The following MTX2 variants were observed in gnomAD, a reference collection of about 807,000 sequenced individuals.
The protein encoded by MTX2 is metaxin-2.
A neutral mutation model predicts 42.3 loss-of-function variants in MTX2; 35 were observed. The observed-to-expected ratio is 0.83, with a 90% CI of 0.63 to 1.10. The LOEUF is 1.10. MTX2 is among the 50% of genes least tolerant of loss of function. MTX2 has a pLI of 0.00. For synonymous variants in MTX2, 119 were observed against 100.9 expected, an observed-to-expected ratio of 1.18 and a Z score of -1.08; for missense variants, 307 against 304.1, an observed-to-expected ratio of 1.01 and a Z score of -0.07.
intron 4 of MTX2, among the ~76,000 whole-genome samples, chr2:176,324,654 G>A (rs1278865751): frequency 2.0e-5 from 3 of 151,570 alleles, no homozygotes; most frequent in African/African-American, 7.3e-5. Context: ...CAGATCTTTG[G>A]CAAGTGAGAT....
intron 4 of MTX2, among the ~76,000 whole-genome samples, chr2:176,325,462 TACTC>T (rs1684686269): frequency 6.6e-6 from 1 of 151,712 alleles, no homozygotes; most frequent in Non-Finnish European, 1.5e-5. Flanking sequence ...ATAAGATTAA[TACTC>T]AGTTGACTAT....
At chr2:176,287,780 T>A (rs1194049559) in intron 1 of MTX2, among the ~76,000 whole-genome samples, 2 of 152,184 alleles carry the variant, frequency 1.3e-5, no homozygotes, top group African/African-American at 4.8e-5. Flanking sequence ...CTAGAATGTT[T>A]GCTTTCTGCT....
At position 176,330,680 on chromosome 2, in the gene MTX2, T is replaced by A; in HGVS notation, c.620+20T>A. 4 of 1,560,796 alleles carry A rather than the reference T, an allele frequency of 2.6e-6. No individual in the cohort carries two copies. The highest frequency in any genetic ancestry group is 3.5e-6 in the Non-Finnish European group (4 of 1,140,782). On this transcript the variant is annotated intron_variant, in intron 9 of 9. Coordinates refer to ENST00000249442, the MANE Select transcript of MTX2 (RefSeq NM_006554.5). Reference sequence around the variant, plus strand: ...TAAGCAGTAAGAAATTTTACTTTTTTAAAGTTAATTTTCTGTACTGTTAGG... The same window carrying A: ...TAAGCAGTAAGAAATTTTACTTTTTAAAAGTTAATTTTCTGTACTGTTAGG...
chr2:176,327,353 C>T (rs547756711), intron 5 of MTX2, among the ~76,000 whole-genome samples: 1 of 151,082 alleles, frequency 6.6e-6, no homozygotes, highest in Admixed American at 6.6e-5. Flanking sequence ...TATTAAGGAA[C>T]AACTCCCATT....
At position 176,328,331 on chromosome 2, in the gene MTX2, A is replaced by G; in HGVS notation, c.324A>G (p.Lys108=). The G allele has an allele frequency of 6.3e-7, 1 of 1,593,142 alleles. No individual in the cohort carries two copies. The highest frequency in any genetic ancestry group is 8.5e-7 in the Non-Finnish European group (1 of 1,169,918). Residue 108 remains lysine, a synonymous_variant, in exon 6 of 10, where the codon AAA becomes AAG. Transcript: ENST00000249442. ...GTGATGGGCTGGAGGAAGTCCAAAA[A>G]GCAGAAATGAAAGCTTACATGGAAT... ...SLSDGLEEVQ[K]AEMKAYMELV...
chr2:176,301,991 C>T (rs1171806530), intron 3 of MTX2, among the ~76,000 whole-genome samples: 1 of 152,056 alleles, frequency 6.6e-6, no homozygotes, highest in African/African-American at 2.4e-5. Flanking sequence ...TTGTGAGTGT[C>T]TTTATATAAT....
At chr2:176,329,899 ATCTG>A (rs984230274) in intron 8 of MTX2, among the ~76,000 whole-genome samples, 47 of 150,250 alleles carry the variant, frequency 3.1e-4, no homozygotes, top group Non-Finnish European at 4.9e-4. Flanking sequence ...CTGTCTATCT[ATCTG>A]TCTATCTGTC....
At chr2:176,324,757 GACAA>G (rs1199435960) in intron 4 of MTX2, among the ~76,000 whole-genome samples, 1 of 151,594 alleles carries the variant, frequency 6.6e-6, no homozygotes, top group Non-Finnish European at 1.5e-5. Context: ...TTGCGCGAAA[GACAA>G]ACATAAATAT....
At chr2:176,275,445 G>C (rs972853558) in intron 1 of MTX2, among the ~76,000 whole-genome samples, 1 of 151,950 alleles carries the variant, frequency 6.6e-6, no homozygotes, top group African/African-American at 2.4e-5. Flanking sequence ...CACCATGTTG[G>C]CCAGGCTTGT....
intron 1 of MTX2, among the ~76,000 whole-genome samples, chr2:176,275,852 G>A (rs1263085436): frequency 6.6e-6 from 1 of 152,178 alleles, no homozygotes; most frequent in East Asian, 1.9e-4. Flanking sequence ...GCTCCACAGT[G>A]CCACCAGATA....
At chr2:176,314,875 G>A (rs1411369681) in intron 3 of MTX2, among the ~76,000 whole-genome samples, 1 of 152,148 alleles carries the variant, frequency 6.6e-6, no homozygotes, top group African/African-American at 2.4e-5. Context: ...TATAGGTGCA[G>A]GAAGCAGAAA....
chr2:176,290,300 TCTC>T (rs1188521867), intron 1 of MTX2, among the ~76,000 whole-genome samples: 7 of 152,070 alleles, frequency 4.6e-5, no homozygotes, highest in African/African-American at 1.7e-4. Flanking sequence ...GGATCCCCAT[TCTC>T]CTCACTAATT....
chr2:176,337,245 T>C (rs1685012872), intron 9 of MTX2, among the ~76,000 whole-genome samples: 1 of 152,128 alleles, frequency 6.6e-6, no homozygotes, highest in African/African-American at 2.4e-5. Flanking sequence ...TTTTGCCACA[T>C]TGTTCAGGCT....
At chr2:176,284,272 A>T (rs1693144878) in intron 1 of MTX2, among the ~76,000 whole-genome samples, 1 of 152,110 alleles carries the variant, frequency 6.6e-6, no homozygotes, top group Non-Finnish European at 1.5e-5. Flanking sequence ...TAATGGATCA[A>T]AGTCTAAACA....
chr2:176,283,089 C>T (rs1693119514), intron 1 of MTX2, among the ~76,000 whole-genome samples: 1 of 152,100 alleles, frequency 6.6e-6, no homozygotes, highest in South Asian at 2.1e-4. Flanking sequence ...AATAGGTTAA[C>T]CAGTTTGGCC....
At chr2:176,297,801 T>A (rs1374393691) in intron 2 of MTX2, 48 bp from the exon 3 acceptor site, 1 of 1,293,102 alleles carries the variant, frequency 7.7e-7, no homozygotes, top group Admixed American at 2.2e-5. Flanking sequence ...AAAATAAAAA[T>A]ACTATATTCT....
chr2:176,285,418 CTTT>C (rs61139522), intron 1 of MTX2, among the ~76,000 whole-genome samples: 6 of 130,776 alleles, frequency 4.6e-5, no homozygotes, highest in Admixed American at 7.8e-5. Context: ...TTGCCACAAT[CTTT>C]TTTTTTTTTT....
chr2:176,302,380 GA>G (rs1324208482), intron 3 of MTX2, among the ~76,000 whole-genome samples: 3 of 152,012 alleles, frequency 2.0e-5, no homozygotes, highest in African/African-American at 4.8e-5. Context: ...GAAGACAACA[GA>G]AAAAAACTAT....
chr2:176,323,295 A>G, intron 3 of MTX2, 97 bp from the exon 4 acceptor site: 1 of 1,005,958 alleles, frequency 9.9e-7, no homozygotes, highest in East Asian at 2.4e-5. Context: ...GTTTTGTAGT[A>G]TGAAACTATT....
Sources: gnomAD v4.1 joint callset for allele counts (sites outside exome capture counted in the v4.1 genomes callset) on GRCh38, gnomAD v4.1.1 for gene constraint, MANE v1.5 for transcripts, NCBI Gene and HGNC (gene_info 2026-07-23, HGNC 2026-07-21) for gene names.